FOXK1: variants seen among roughly 807,000 people sequenced by gnomAD.
The protein encoded by FOXK1 is forkhead box protein K1.
FOXK1 carries 19 observed loss-of-function variants against 51.9 expected under a neutral mutation model. That is an observed-to-expected ratio of 0.37 (90% CI 0.26 to 0.54). The LOEUF is 0.54. Ranked by LOEUF, FOXK1 falls within the 20% of genes least tolerant of loss-of-function variation. The probability of loss-of-function intolerance (pLI) is 0.87; values close to 1 mark genes in which losing one functional copy is unlikely to be tolerated. For missense variants in FOXK1, 870 were observed against 1,032.7 expected, an observed-to-expected ratio of 0.84 and a Z score of 2.16; for synonymous variants, 537 against 482.6, an observed-to-expected ratio of 1.11 and a Z score of -1.48.
In FOXK1 at chr7:4,753,481, G is replaced by A. The variant is rs909078926; in HGVS notation, c.747-978G>A. On this transcript the variant is annotated intron_variant, in intron 2 of 8. Coordinates refer to ENST00000328914, the MANE Select transcript of FOXK1 (RefSeq NM_001037165.2). This position sits in a 1 kb window ranked among gnomAD's most constrained non-coding sequence, Gnocchi z 4.9. ...CAGTGCAGCAGGGAGCATCCTACCC[G>A]CCACGGGGGCTCTAAGTCAGCTGAG... Among the ~76,000 whole-genome samples the A allele has an allele frequency of 3.3e-5, 5 of 152,072 alleles. No individual in the cohort carries two copies. Among genetic ancestry groups the A allele is most frequent in the African/African-American group, 7.2e-5 (3 of 41,394 alleles).
rs1345675782 is a variant in FOXK1, at chr7:4,758,802, C to A, written c.1245-249C>A. The A allele has an allele frequency of 1.9e-6, 1 of 536,752 alleles. No homozygotes were observed. The highest frequency in any genetic ancestry group is 3.3e-6 in the Non-Finnish European group (1 of 305,506). The allele number at this position is 536,752 out of a possible 1,614,324, so 33.2% of individuals were successfully genotyped here. Reference sequence around the variant, plus strand: ...TGAACTCCGTAGGTTGTTGCGTTCACTGCAGCACCTCACATGATACCGTCC... The same window carrying A: ...TGAACTCCGTAGGTTGTTGCGTTCAATGCAGCACCTCACATGATACCGTCC... On this transcript the variant is annotated intron_variant, in intron 5 of 8. Transcript: ENST00000328914. This position sits in a 1 kb window ranked among gnomAD's most constrained non-coding sequence, Gnocchi z 4.4.
In FOXK1 at chr7:4,741,033, C is replaced by T. The variant is rs1332924251; in HGVS notation, c.746+10C>T. Reference sequence around the variant, plus strand: ...CGACGGGCACCATCAGGTGAGTAGCCCCCCAGCCTGCCCTTGGGCCCCCAG... The same window carrying T: ...CGACGGGCACCATCAGGTGAGTAGCTCCCCAGCCTGCCCTTGGGCCCCCAG... On this transcript the variant is annotated intron_variant, in intron 2 of 8. Transcript: ENST00000328914. 2.7e-6 allele frequency: 4 copies of T among 1,497,102 alleles called. No individual in the cohort carries two copies. The highest frequency in any genetic ancestry group is 5.5e-5 in the Admixed American group (2 of 36,216). The allele number at this position is 1,497,102 out of a possible 1,614,324, so 92.7% of individuals were successfully genotyped here. A position where few individuals can be genotyped will look rare whatever the true frequency, so the allele number is the denominator to read the frequency against.
Position 4,768,803 on chromosome 7 carries a change from T to A in FOXK1, c.*6339T>A, listed in dbSNP as rs1401816036. 6.6e-6 allele frequency: 1 copy of A among 152,284 alleles called. No individual in the cohort carries two copies. The highest frequency in any genetic ancestry group is 6.5e-5 in the Admixed American group (1 of 15,280). The allele number at this position is 152,284 out of a possible 1,614,324, so 9.4% of individuals were successfully genotyped here. On this transcript the variant is annotated 3_prime_UTR_variant, in exon 9 of 9. Transcript: ENST00000328914. ...TGACTGATGAACCTCGCCGTGCCTG[T>A]CTGTCACATCCAAGTCTGTGCCAGC...
chr7:4,725,919 A>G (rs1780375513), intron 1 of FOXK1, among the ~76,000 whole-genome samples: 1 of 152,028 alleles, frequency 6.6e-6, no homozygotes, highest in Admixed American at 6.5e-5. Context: ...TCCCCATATT[A>G]GGAAGGTGAG....
In FOXK1 at chr7:4,733,704, C is replaced by T. The variant is rs537417239; in HGVS notation, c.561-7134C>T. On this transcript the variant is annotated intron_variant, in intron 1 of 8. Transcript: ENST00000328914. This position sits in a 1 kb window ranked among gnomAD's most constrained non-coding sequence, Gnocchi z 5.0. ...CTGCCCAGTGCCCACATGGGAACTG[C>T]ATCCTGCAGGTATCGCTCGTGAAAA... Among the ~76,000 whole-genome samples the T allele has an allele frequency of 1.3e-5, 2 of 152,378 alleles. No individual in the cohort carries two copies. Among genetic ancestry groups the T allele is most frequent in the South Asian group, 4.1e-4 (2 of 4,832 alleles).
At chr7:4,738,544 G>C (rs1780588505) in intron 1 of FOXK1, among the ~76,000 whole-genome samples, 1 of 152,140 alleles carries the variant, frequency 6.6e-6, no homozygotes, top group Admixed American at 6.5e-5. Context: ...AAGGACATCA[G>C]ACGTTCCTCT....
In FOXK1 at chr7:4,770,894, TG is replaced by T. The variant is rs1562397670; in HGVS notation, c.*8431del. On this transcript the variant is annotated 3_prime_UTR_variant, in exon 9 of 9. Transcript: ENST00000328914. ...GTGTGTGTGTGTGTGTGTGTGTGTG[TG>T]TGTGTGTATTTTTTTTTTTACAGTG... is the stretch of plus-strand genomic sequence containing the variant. 6.6e-5 allele frequency: 10 copies of T among 151,404 alleles called. No homozygotes were observed. Among genetic ancestry groups the T allele is most frequent in the African/African-American group, 2.5e-4 (10 of 40,798 alleles). The allele number at this position is 151,404 out of a possible 1,614,324, so 9.4% of individuals were successfully genotyped here. A position where few individuals can be genotyped will look rare whatever the true frequency, so the allele number is the denominator to read the frequency against.
At chr7:4,689,818 TCTC>T (rs558504754) in intron 1 of FOXK1, among the ~76,000 whole-genome samples, 162 of 152,294 alleles carry the variant, frequency 1.1e-3, no homozygotes, top group Non-Finnish European at 2.0e-3. Flanking sequence ...GCATTCCTCT[TCTC>T]CTGGGGTTTT....
intron 1 of FOXK1, among the ~76,000 whole-genome samples, chr7:4,712,255 G>T (rs1026997679): frequency 1.3e-5 from 2 of 152,070 alleles, no homozygotes; most frequent in Non-Finnish European, 2.9e-5. Flanking sequence ...TGCAGTAATG[G>T]ACTTGGAAAC....
In FOXK1 at chr7:4,759,654, A is replaced by G. The variant is rs950365148; in HGVS notation, c.1696+59A>G. Reference sequence around the variant, plus strand: ...CCCTTTGTGGTGGTCCCGGCCGGCAAGTCCCCAAGGCAGCGCCATTGGCCT... The same window carrying G: ...CCCTTTGTGGTGGTCCCGGCCGGCAGGTCCCCAAGGCAGCGCCATTGGCCT... On this transcript the variant is annotated intron_variant, in intron 7 of 8. Coordinates refer to ENST00000328914, the MANE Select transcript of FOXK1 (RefSeq NM_001037165.2). The G allele has an allele frequency of 1.6e-5, 24 of 1,492,524 alleles. No homozygotes were observed. In the African/African-American group the frequency reaches 2.6e-4, roughly 16 times the overall value. The allele number at this position is 1,492,524 out of a possible 1,614,324, so 92.5% of individuals were successfully genotyped here. A position where few individuals can be genotyped will look rare whatever the true frequency, so the allele number is the denominator to read the frequency against.
At position 4,682,304 on chromosome 7, in the gene FOXK1, C is replaced by T. The variant is rs1318432936; in HGVS notation, c.-5C>T. 7 of 987,776 alleles carry T rather than the reference C, an allele frequency of 7.1e-6. No homozygotes were observed. Among genetic ancestry groups the T allele is most frequent in the Non-Finnish European group, 8.4e-6 (7 of 833,978 alleles). 61.2% of individuals were successfully genotyped at this position (987,776 alleles called of 1,614,324 possible). On this transcript the variant is annotated 5_prime_UTR_variant, in exon 1 of 9. Coordinates refer to ENST00000328914, the MANE Select transcript of FOXK1 (RefSeq NM_001037165.2). The surrounding 1 kb of genome is among the most constrained non-coding windows in gnomAD (Gnocchi z 7.6). ...CCGCCGGAGGCCGCTCGGAGCCGCG[C>T]GAACATGGCCGAAGTCGGCGAGGAC...
rs1022254705 is a variant in FOXK1 at position 4,758,143 on chromosome 7, C to T, written c.1245-908C>T. Reference sequence around the variant, plus strand: ...TGAGAGGACCCGGGGAGAGCCCAATCTTCGAAGGGACAGATGAGGGGTATG... The same window carrying T: ...TGAGAGGACCCGGGGAGAGCCCAATTTTCGAAGGGACAGATGAGGGGTATG... On this transcript the variant is annotated intron_variant, in intron 5 of 8. Transcript: ENST00000328914. This position sits in a 1 kb window ranked among gnomAD's most constrained non-coding sequence, Gnocchi z 4.4. The T allele has an allele frequency of 2.6e-5, 4 of 152,290 alleles. No homozygotes were observed. Among genetic ancestry groups the T allele is most frequent in the African/African-American group, 7.2e-5 (3 of 41,464 alleles). 9.4% of individuals were successfully genotyped at this position (152,290 alleles called of 1,614,324 possible).
In FOXK1 at chr7:4,735,183, G is replaced by C. The variant is rs890699246; in HGVS notation, c.561-5655G>C. ...CAGTTCCAGCTCGCTGTGTAGAGACGGCTCTGTGGTCTGAGGCTGAGCCAG... is the reference window on the plus strand; with the variant it reads ...CAGTTCCAGCTCGCTGTGTAGAGACCGCTCTGTGGTCTGAGGCTGAGCCAG... On this transcript the variant is annotated intron_variant, in intron 1 of 8. Transcript: ENST00000328914. The surrounding 1 kb of genome is among the most constrained non-coding windows in gnomAD (Gnocchi z 4.7). Among the ~76,000 whole-genome samples, 2 of 151,922 alleles carry C rather than the reference G, an allele frequency of 1.3e-5. No individual in the cohort carries two copies. The highest frequency in any genetic ancestry group is 2.9e-5 in the Non-Finnish European group (2 of 67,982).
At chr7:4,716,964 A>T (rs1226744100) in intron 1 of FOXK1, among the ~76,000 whole-genome samples, 2 of 151,460 alleles carry the variant, frequency 1.3e-5, no homozygotes, top group Non-Finnish European at 2.9e-5. Context: ...CATGGCTGGG[A>T]GGCGTGTGGC....
At chr7:4,751,525 C>A (rs991230763) in intron 2 of FOXK1, among the ~76,000 whole-genome samples, 2 of 152,182 alleles carry the variant, frequency 1.3e-5, no homozygotes, top group Non-Finnish European at 2.9e-5. Context: ...CAGCTCTTAG[C>A]GGCTGTGAGG....
intron 2 of FOXK1, among the ~76,000 whole-genome samples, chr7:4,750,199 G>A (rs984091882): frequency 2.6e-5 from 4 of 152,224 alleles, no homozygotes; most frequent in African/African-American, 9.6e-5. Context: ...GGGGGGCACA[G>A]GCGTTTGATT....
At chr7:4,724,430 A>G (rs1583196598) in intron 1 of FOXK1, among the ~76,000 whole-genome samples, 1 of 152,162 alleles carries the variant, frequency 6.6e-6, no homozygotes, top group African/African-American at 2.4e-5. Flanking sequence ...TCCTGTTCTC[A>G]AGTGATCTGC....
chr7:4,721,695 G>A (rs778658818), intron 1 of FOXK1, among the ~76,000 whole-genome samples: 2 of 146,836 alleles, frequency 1.4e-5, no homozygotes, highest in East Asian at 2.0e-4. Context: ...GATTCAAGCA[G>A]TTCTTCTGCG....
At chr7:4,752,073 C>G (rs746258322) in intron 2 of FOXK1, among the ~76,000 whole-genome samples, 4 of 152,210 alleles carry the variant, frequency 2.6e-5, no homozygotes, top group Non-Finnish European at 5.9e-5. Flanking sequence ...CTGCCTCAGC[C>G]TCCTGAACAG....
Sources: gnomAD v4.1 joint callset for allele counts (sites outside exome capture counted in the v4.1 genomes callset) on GRCh38, gnomAD v4.1.1 for gene constraint, Gnocchi (gnomAD v3.1) non-coding constraint, MANE v1.5 for transcripts, NCBI Gene and HGNC (gene_info 2026-07-23, HGNC 2026-07-21) for gene names.